The following MED12L variants were observed in gnomAD, a reference collection of about 807,000 sequenced individuals.
MED12L encodes mediator complex subunit 12L, also known as mediator of RNA polymerase II transcription subunit 12-like protein.
In MED12L, 60 loss-of-function variants were observed where a neutral mutation model predicts 281.3. The observed-to-expected ratio is 0.21, with a 90% confidence interval of 0.17 to 0.26. The LOEUF (loss-of-function observed/expected upper bound fraction) is 0.26, where lower values mean the gene tolerates loss of function less well. Among genes scored for constraint, MED12L ranks in the 10% least tolerant of loss-of-function variants. The pLI is 1.00. For missense variants in MED12L, 2,146 were observed against 2,680.9 expected (o/e 0.80, Z 4.41); for synonymous variants, 974 against 987.2 (o/e 0.99, Z 0.25).
intron 16 of MED12L, chr3:151,337,764 C>G: frequency 1.3e-6 from 2 of 1,568,576 alleles, no homozygotes; most frequent in Non-Finnish European, 1.8e-6. Flanking sequence ...TAGCGCTTTG[C>G]TTTAACGAGT....
chr3:151,213,603 G>A (rs763071215), intron 16 of MED12L: 8 of 1,614,138 alleles, frequency 5.0e-6, no homozygotes, highest in South Asian at 2.2e-5. Context: ...ACACAAACAC[G>A]ATGCTGAATA....
intron 16 of MED12L, chr3:151,328,620 T>A: frequency 6.2e-7 from 1 of 1,613,864 alleles, no homozygotes; most frequent in South Asian, 1.1e-5. Context: ...AAAGGTCTGA[T>A]GATCTTGAGG....
At chr3:151,427,106 A>C (rs1718961559) in intron 43 of MED12L, among the ~76,000 whole-genome samples, 1 of 152,140 alleles carries the variant, frequency 6.6e-6, no homozygotes, top group South Asian at 2.1e-4. Context: ...GGTGTGACTC[A>C]CTGTGCCTGG....
In MED12L at chr3:151,436,409, A is replaced by ATTTGT. The variant is rs368968586; in HGVS notation, c.*3607_*3611dup. On this transcript the variant is annotated 3_prime_UTR_variant, in exon 45 of 45. Coordinates refer to ENST00000687756, the MANE Select transcript of MED12L (RefSeq NM_001393769.1). ...ACTGAAAAATTCAGGTACATTAGCCATTTGTTATTTTATAGTGAACCGTTT... is the reference window on the plus strand; with the variant it reads ...ACTGAAAAATTCAGGTACATTAGCCATTTGTTTTGTTATTTTATAGTGAACCGTTT... The ATTTGT allele has an allele frequency of 1.1e-5, 3 of 262,444 alleles. No individual in the cohort carries two copies. The highest frequency in any genetic ancestry group is 2.9e-3 in the Middle Eastern group (2 of 698). 16.3% of individuals were successfully genotyped at this position (262,444 alleles called of 1,614,324 possible).
chr3:151,300,949 TG>T (rs1745832375), intron 16 of MED12L, among the ~76,000 whole-genome samples: 1 of 152,218 alleles, frequency 6.6e-6, no homozygotes, highest in Admixed American at 6.5e-5. Flanking sequence ...GTACTTGATT[TG>T]GTAGTAGATG....
chr3:151,232,859 T>A (rs1393850462), intron 16 of MED12L, among the ~76,000 whole-genome samples: 2 of 152,128 alleles, frequency 1.3e-5, no homozygotes, highest in African/African-American at 2.4e-5. Flanking sequence ...GACAAAAAAA[T>A]CTGCAACAAA....
chr3:151,351,782 T>C (rs1157015324), intron 17 of MED12L, among the ~76,000 whole-genome samples: 1 of 152,154 alleles, frequency 6.6e-6, no homozygotes, highest in Non-Finnish European at 1.5e-5. Context: ...TTAGAAGGCT[T>C]GAGGGGTATG....
At chr3:151,425,961 G>A (rs1718830949) in intron 43 of MED12L, among the ~76,000 whole-genome samples, 1 of 152,170 alleles carries the variant, frequency 6.6e-6, no homozygotes, top group South Asian at 2.1e-4. Flanking sequence ...CATCTGCAAA[G>A]GCACAGAGGG....
Position 151,411,270 on chromosome 3 carries a change from A to G in MED12L, c.5911-8A>G. 1 of 1,611,728 alleles carries G rather than the reference A, an allele frequency of 6.2e-7. No homozygotes were observed. Among genetic ancestry groups the G allele is most frequent in the East Asian group, 2.2e-5 (1 of 44,874 alleles). On this transcript the variant is annotated splice_region_variant and splice_polypyrimidine_tract_variant and intron_variant, in intron 40 of 44. Transcript: ENST00000687756. ...AACATTGACTTCTTCCCTTGTGCCT[A>G]CCTGCAGACCATGCCACAGGGCTAT...
chr3:151,279,643 G>C (rs1392574325), intron 16 of MED12L, among the ~76,000 whole-genome samples: 1 of 152,236 alleles, frequency 6.6e-6, no homozygotes, highest in African/African-American at 2.4e-5. Flanking sequence ...GATGTGCATA[G>C]AGAGGCTTGT....
intron 16 of MED12L, among the ~76,000 whole-genome samples, chr3:151,323,115 T>A (rs1264038160): frequency 1.3e-5 from 2 of 152,178 alleles, no homozygotes; most frequent in Admixed American, 6.5e-5. Context: ...ATTGCTAATA[T>A]ATTTTACATG....
intron 16 of MED12L, among the ~76,000 whole-genome samples, chr3:151,234,240 C>T (rs1732282158): frequency 6.6e-6 from 1 of 152,240 alleles, no homozygotes; most frequent in South Asian, 2.1e-4. Context: ...AAATTTTATG[C>T]AGCAGTGAGA....
At chr3:151,182,893 T>C (rs780649167) in intron 11 of MED12L, among the ~76,000 whole-genome samples, 9 of 152,088 alleles carry the variant, frequency 5.9e-5, no homozygotes, top group Non-Finnish European at 1.2e-4. Context: ...CTCATTACAG[T>C]TGGGATAACT....
intron 16 of MED12L, among the ~76,000 whole-genome samples, chr3:151,238,307 C>T (rs932499758): frequency 6.6e-6 from 1 of 152,048 alleles, no homozygotes; most frequent in African/African-American, 2.4e-5. Flanking sequence ...CCACCTTGGC[C>T]GGCTAATTTT....
chr3:151,095,082 T>C (rs751322967), intron 2 of MED12L, among the ~76,000 whole-genome samples: 16 of 152,214 alleles, frequency 1.1e-4, no homozygotes, highest in Non-Finnish European at 1.8e-4. Flanking sequence ...ACCTATAAGC[T>C]GCAGAGAATA....
At chr3:151,116,024 G>A (rs1038105103) in intron 2 of MED12L, among the ~76,000 whole-genome samples, 75 of 137,202 alleles carry the variant, frequency 5.5e-4, no homozygotes, top group African/African-American at 1.9e-3. Context: ...AGATTGCGCC[G>A]CTGCACTCCA....
intron 16 of MED12L, among the ~76,000 whole-genome samples, chr3:151,199,708 C>A (rs1725248380): frequency 6.6e-6 from 1 of 151,820 alleles, no homozygotes; most frequent in South Asian, 2.1e-4. Context: ...TCTGGTAGTT[C>A]TTGTTACCAG....
intron 2 of MED12L, among the ~76,000 whole-genome samples, chr3:151,089,253 C>T (rs1300557597): frequency 6.6e-6 from 1 of 152,108 alleles, no homozygotes; most frequent in East Asian, 1.9e-4. Context: ...TACATGCACA[C>T]ACGTATATGA....
intron 2 of MED12L, among the ~76,000 whole-genome samples, chr3:151,101,709 G>A (rs1192037182): frequency 6.9e-6 from 1 of 145,648 alleles, no homozygotes; most frequent in Non-Finnish European, 1.5e-5. Flanking sequence ...AGGTTGGGGG[G>A]TGGGGGATGG....
Sources: gnomAD v4.1 joint callset for allele counts (sites outside exome capture counted in the v4.1 genomes callset) on GRCh38, gnomAD v4.1.1 for gene constraint, MANE v1.5 for transcripts, NCBI Gene and HGNC (gene_info 2026-07-23, HGNC 2026-07-21) for gene names.